CCDC38: variants seen among roughly 807,000 people sequenced by gnomAD.
CCDC38 encodes coiled-coil domain-containing protein 38.
A neutral mutation model predicts 72.8 loss-of-function variants in CCDC38; 69 were observed. The observed-to-expected ratio is 0.95, with a 90% CI of 0.78 to 1.16. The LOEUF (loss-of-function observed/expected upper bound fraction) is 1.16. CCDC38 is among the 50% of genes most tolerant of loss of function. The probability of loss-of-function intolerance (pLI) is 0.00; values close to 1 mark genes in which losing one functional copy is unlikely to be tolerated. For synonymous variants in CCDC38, 201 were observed against 213.2 expected, an observed-to-expected ratio of 0.94 and a Z score of 0.50; for missense variants, 626 against 638.9, an observed-to-expected ratio of 0.98 and a Z score of 0.22.
chr12:95,884,943 T>C (rs950812428), intron 10 of CCDC38, among the ~76,000 whole-genome samples: 3 of 152,248 alleles, frequency 2.0e-5, no homozygotes, highest in African/African-American at 7.2e-5. Flanking sequence ...GTGGGGGACA[T>C]AATTCAACCC....
intron 7 of CCDC38, chr12:95,896,665 TAC>T (rs1411167451): frequency 6.6e-6 from 1 of 152,198 alleles, no homozygotes; most frequent in African/African-American, 2.4e-5. Context: ...GCTGGAAAGA[TAC>T]AGTTTCCAAG....
At chr12:95,929,373 A>T (rs529055524) in intron 2 of CCDC38, among the ~76,000 whole-genome samples, 2 of 152,270 alleles carry the variant, frequency 1.3e-5, no homozygotes, top group Admixed American at 6.5e-5. Context: ...TTCCCGAGTG[A>T]GGCAATGCCT....
At chr12:95,916,379 G>GCCTTCCTT (rs63210665) in intron 4 of CCDC38, among the ~76,000 whole-genome samples, 8,742 of 147,380 alleles carry the variant, frequency 0.059, 590 homozygotes, top group East Asian at 0.33. Context: ...TTGCCTGCCT[G>GCCTTCCTT]CCTTCCTTCC....
Position 95,942,509 on chromosome 12 carries a change from A to G in CCDC38, c.-93T>C, listed in dbSNP as rs1388026028. The stretch of plus-strand genomic sequence containing the variant: ...GTGGGAAAAGTGGGCGGAGGTGCCA[A>G]TCGATCCTCCAGTCTCGGCTCTATC... On this transcript the variant is annotated 5_prime_UTR_variant, in exon 1 of 16. Transcript: ENST00000344280. The G allele has an allele frequency of 6.6e-6, 1 of 152,182 alleles. No homozygotes were observed. Among genetic ancestry groups the G allele is most frequent in the African/African-American group, 2.4e-5 (1 of 41,426 alleles). 9.4% of individuals were successfully genotyped at this position (152,182 alleles called of 1,614,324 possible). A position where few individuals can be genotyped will look rare whatever the true frequency, so the allele number is the denominator to read the frequency against.
chr12:95,869,407 C>T (rs764247888), intron 15 of CCDC38, 73 bp downstream of exon 15: 47 of 1,125,284 alleles, frequency 4.2e-5, no homozygotes, highest in Admixed American at 1.3e-4. Context: ...ATAAGTTAGA[C>T]GAATAAAGTA....
intron 5 of CCDC38, among the ~76,000 whole-genome samples, chr12:95,905,552 C>T (rs1470373308): frequency 6.6e-6 from 1 of 152,090 alleles, no homozygotes; most frequent in Non-Finnish European, 1.5e-5. Flanking sequence ...CAGCTGGCAG[C>T]GTATGGAAGT....
Position 95,917,248 on chromosome 12 carries a change from A to G in CCDC38, c.185T>C (p.Phe62Ser), listed in dbSNP as rs377613241. Reference sequence around the variant, plus strand: ...TGAATGACTCTTCATTCTGGATGAAAAAGTAGTTTTCTGGTAGACTTTCAT... The same window carrying G: ...TGAATGACTCTTCATTCTGGATGAAGAAGTAGTTTTCTGGTAGACTTTCAT... ...RNMKVYQKTTFSSRMKSHSYL... is the reference protein window; with the variant it reads ...RNMKVYQKTTSSSRMKSHSYL... Residue 62 changes from phenylalanine (F) to serine (S), a missense_variant, in exon 4 of 16, where the codon TTT becomes TCT. By Grantham distance (155) the Phe-to-Ser change is radical (BLOSUM62 -2). Coordinates refer to ENST00000344280, the MANE Select transcript of CCDC38 (RefSeq NM_182496.3). 1 of 1,604,142 alleles carries G rather than the reference A, an allele frequency of 6.2e-7. No individual in the cohort carries two copies. The highest frequency in any genetic ancestry group is 8.5e-7 in the Non-Finnish European group (1 of 1,178,084).
intron 7 of CCDC38, among the ~76,000 whole-genome samples, chr12:95,898,088 T>C (rs2079910216): frequency 6.6e-6 from 1 of 152,156 alleles, no homozygotes; most frequent in Non-Finnish European, 1.5e-5. Context: ...AATGAATGAA[T>C]GAGGAAGGGC....
chr12:95,907,537 G>A (rs2080022264), intron 4 of CCDC38, among the ~76,000 whole-genome samples: 1 of 129,300 alleles, frequency 7.7e-6, no homozygotes, highest in Admixed American at 7.0e-5. Flanking sequence ...CCGGGCAGAG[G>A]CGCCCCTCAC....
intron 5 of CCDC38, among the ~76,000 whole-genome samples, chr12:95,900,152 C>T (rs979291315): frequency 3.3e-5 from 5 of 152,146 alleles, no homozygotes; most frequent in African/African-American, 1.2e-4. Flanking sequence ...AGTGCATCAG[C>T]CTGGAGACAA....
At chr12:95,940,141 C>T (rs980915146) in intron 1 of CCDC38, among the ~76,000 whole-genome samples, 1 of 152,176 alleles carries the variant, frequency 6.6e-6, no homozygotes, top group African/African-American at 2.4e-5. Context: ...CTCTTTCTGG[C>T]CCACTCTGTC....
chr12:95,870,252 C>G (rs2079566859), intron 14 of CCDC38, among the ~76,000 whole-genome samples: 1 of 152,122 alleles, frequency 6.6e-6, no homozygotes, highest in Admixed American at 6.5e-5. Flanking sequence ...TCCAGTTAAT[C>G]TTTTTGAATA....
intron 2 of CCDC38, chr12:95,934,873 G>A (rs2080376171): frequency 6.6e-6 from 1 of 152,100 alleles, no homozygotes; most frequent in South Asian, 2.1e-4. Flanking sequence ...GCCAGGCGTG[G>A]TGGGCACCTG....
chr12:95,883,875 T>C lies in CCDC38; in HGVS notation c.921-2321A>G, dbSNP rs114392975. Among the ~76,000 whole-genome samples the C allele has an allele frequency of 6.3e-3, 959 of 152,288 alleles. 15 individuals carry two copies. Among genetic ancestry groups the C allele is most frequent in the African/African-American group, 0.022 (911 of 41,556 alleles). On this transcript the variant is annotated intron_variant, in intron 10 of 15. Transcript: ENST00000344280. ...GAGCATCTAGATGCAGAAAAGGCAT[T>C]TGGCAGGATTCAACACTCATTTTGA...
Position 95,872,247 on chromosome 12 carries a change from G to A in CCDC38, c.1484+8C>T, listed in dbSNP as rs750645556. The A allele has an allele frequency of 3.7e-6, 6 of 1,613,340 alleles. No homozygotes were observed. In the Admixed American group the frequency reaches 1.0e-4, roughly 27 times the overall value. ...TCATTAAGTCATTCTTATCCTTATT[G>A]ACTGTACTTTTGCCGCCATTCTTTC... On this transcript the variant is annotated splice_region_variant and intron_variant, in intron 14 of 15. Coordinates refer to ENST00000344280, the MANE Select transcript of CCDC38 (RefSeq NM_182496.3).
At chr12:95,884,007 T>C (rs10859971) in intron 10 of CCDC38, among the ~76,000 whole-genome samples, 27,838 of 152,184 alleles carry the variant, frequency 0.18, 2,778 homozygotes, top group African/African-American at 0.26. Flanking sequence ...GGTGAAAAAC[T>C]GAATCCTTTC....
At chr12:95,920,455 A>C (rs2080192510) in intron 2 of CCDC38, among the ~76,000 whole-genome samples, 1 of 152,202 alleles carries the variant, frequency 6.6e-6, no homozygotes, top group African/African-American at 2.4e-5. Flanking sequence ...AGATTAATAC[A>C]ATATCCATCA....
intron 7 of CCDC38, among the ~76,000 whole-genome samples, chr12:95,895,754 G>GAAAA (rs1206572260): frequency 5.4e-5 from 2 of 37,254 alleles, no homozygotes; most frequent in African/African-American, 1.1e-4. Flanking sequence ...ACTCTGTCTC[G>GAAAA]AAAAAAAAAA....
intron 8 of CCDC38, among the ~76,000 whole-genome samples, chr12:95,891,152 A>G (rs2079822401): frequency 6.6e-6 from 1 of 152,232 alleles, no homozygotes; most frequent in African/African-American, 2.4e-5. Flanking sequence ...ATATGCAGAT[A>G]GTAAGGGCTG....
Sources: gnomAD v4.1 joint callset for allele counts (sites outside exome capture counted in the v4.1 genomes callset) on GRCh38, gnomAD v4.1.1 for gene constraint, MANE v1.5 for transcripts, NCBI Gene and HGNC (gene_info 2026-07-23, HGNC 2026-07-21) for gene names.